The following SMTN variants were observed in gnomAD, a reference collection of about 807,000 sequenced individuals.
The protein encoded by SMTN is smoothelin.
Under a neutral mutation model 102.0 loss-of-function variants are expected in SMTN, and 58 were observed. The ratio of observed to expected loss-of-function variants is 0.57; its 90% CI spans 0.46 to 0.71. The LOEUF is 0.71. Among genes scored for constraint, SMTN ranks in the 30% least tolerant of loss-of-function variants. The pLI is 0.00. For missense variants in SMTN, 1,185 were observed against 1,241.7 expected, an observed-to-expected ratio of 0.95 and a Z score of 0.69; for synonymous variants, 478 against 497.9, an observed-to-expected ratio of 0.96 and a Z score of 0.53.
chr22:31,100,456 TTCC>T (rs2043982599), intron 19 of SMTN, among the ~76,000 whole-genome samples: 2 of 151,924 alleles, frequency 1.3e-5, no homozygotes, highest in East Asian at 1.9e-4. Flanking sequence ...CTCAAATTTC[TTCC>T]TCCTCCTCCT....
intron 8 of SMTN, among the ~76,000 whole-genome samples, 162 bp from the exon 9 acceptor site, chr22:31,090,646 G>C (rs2043056282): frequency 6.6e-6 from 1 of 152,122 alleles, no homozygotes; most frequent in Non-Finnish European, 1.5e-5. Flanking sequence ...GCCGGAGTGT[G>C]GGAGATCCAG....
At chr22:31,070,047 C>T (rs1412391189) in intron 1 of SMTN, among the ~76,000 whole-genome samples, 3 of 152,112 alleles carry the variant, frequency 2.0e-5, no homozygotes, top group African/African-American at 7.2e-5. Flanking sequence ...GAAAGTGAAG[C>T]AGGCCACCTG....
chr22:31,091,512 G>A (rs777667189), intron 10 of SMTN, 30 bp downstream of exon 10: 11 of 1,516,794 alleles, frequency 7.3e-6, no homozygotes, highest in Middle Eastern at 1.8e-4. Flanking sequence ...TCCCCAATGG[G>A]GATGAGTGCC....
chr22:31,072,309 A>G (rs1171085763), intron 1 of SMTN, among the ~76,000 whole-genome samples: 3 of 152,168 alleles, frequency 2.0e-5, no homozygotes, highest in Admixed American at 6.5e-5. Flanking sequence ...GCCAAATGTC[A>G]CACAGTAAAG....
At chr22:31,079,266 A>G (rs2042202645), upstream of SMTN, among the ~76,000 whole-genome samples, 1 of 151,690 alleles carries the variant, frequency 6.6e-6, no homozygotes, top group Non-Finnish European at 1.5e-5. Context: ...GATCACCCCC[A>G]CTCCCTTGCA....
intron 1 of SMTN, among the ~76,000 whole-genome samples, chr22:31,074,027 C>T (rs1302326191): frequency 2.0e-5 from 3 of 152,226 alleles, no homozygotes; most frequent in African/African-American, 7.2e-5. Flanking sequence ...TCTTAAGGCC[C>T]AATCTCTTAA....
In SMTN at chr22:31,091,113, C is replaced by T. The variant is rs138309261; in HGVS notation, c.1090C>T (p.Leu364Phe). The change falls in exon 10 of 21, where the codon CTC becomes TTC. Residue 364 changes from leucine to phenylalanine, a missense_variant. Leu to Phe is a conservative substitution (Grantham distance 22, BLOSUM62 0). This residue lies in a region of SMTN where 1,096 missense variants were observed against 1,112.7 expected (regional missense o/e 0.98). Coordinates refer to ENST00000333137, the MANE Select transcript of SMTN (RefSeq NM_134269.3). ...CCTAAGTCCCCTGACCCCCGCAAGG[C>T]TCCTGGGCCCCTCCCTCACCAGCAC... ...AALSPLTPAR[L>F]LGPSLTSTTP... The T allele has an allele frequency of 5.0e-6, 8 of 1,613,858 alleles. No homozygotes were observed. The Admixed American group carries it at 5.0e-5, about 10-fold the overall frequency.
chr22:31,082,584 T>C (rs1296577696), intron 1 of SMTN: 2 of 540,272 alleles, frequency 3.7e-6, no homozygotes, highest in African/African-American at 1.9e-5. Context: ...AATTGAATTC[T>C]GTATGAATTG....
chr22:31,096,759 C>A lies in SMTN; in HGVS notation c.1888C>A (p.Arg630=). ...CCAGCGGGACAAGGAGCGGGAACGG[C>A]GGCTGCAGGAGGCACGGGGCCGGCC... ...RDQRDKERER[R]LQEARGRPGE... is the part of the protein sequence containing the mutation. Residue 630 remains arginine, a synonymous_variant, in exon 14 of 21, where the codon CGG becomes AGG. Transcript: ENST00000333137. The A allele has an allele frequency of 6.4e-7, 1 of 1,554,652 alleles. No individual in the cohort carries two copies. The highest frequency in any genetic ancestry group is 8.7e-7 in the Non-Finnish European group (1 of 1,154,608).
At chr22:31,085,321 G>A (rs2042612226) in intron 2 of SMTN, 1 of 1,474,718 alleles carries the variant, frequency 6.8e-7, no homozygotes, top group Non-Finnish European at 9.0e-7. Context: ...CGCCCTGCGA[G>A]GGAGGGCGGT....
rs767921903 is a variant in SMTN at position 31,104,469 on chromosome 22, T to G, written c.*174T>G. 5 of 1,612,026 alleles carry G rather than the reference T, an allele frequency of 3.1e-6. No homozygotes were observed. The highest frequency in any genetic ancestry group is 4.2e-6 in the Non-Finnish European group (5 of 1,179,748). On this transcript the variant is annotated 3_prime_UTR_variant, in exon 21 of 21. Coordinates refer to ENST00000333137, the MANE Select transcript of SMTN (RefSeq NM_134269.3). The stretch of plus-strand genomic sequence containing the variant: ...GCCTGCGCGGCAAGAATGTCTAGCC[T>G]GCCCGCCCGCATGGCCAGCCAGTGG...
At chr22:31,094,670 T>G (rs1021277699) in intron 11 of SMTN, among the ~76,000 whole-genome samples, 1 of 151,626 alleles carries the variant, frequency 6.6e-6, no homozygotes, top group Non-Finnish European at 1.5e-5. Context: ...TTCTGTTTTT[T>G]TTTTTTTTTT....
chr22:31,082,890 C>G, intron 1 of SMTN: 6 of 1,546,962 alleles, frequency 3.9e-6, no homozygotes, highest in African/African-American at 2.7e-5. Flanking sequence ...AATCCAGGTC[C>G]CTGCCCTCCC....
chr22:31,084,772 C>A (rs775199797), intron 2 of SMTN, among the ~76,000 whole-genome samples: 6 of 152,252 alleles, frequency 3.9e-5, no homozygotes, highest in Non-Finnish European at 8.8e-5. Context: ...TGGGAAAGGA[C>A]AGATGAGAAC....
chr22:31,092,741 G>T (rs570533727), intron 11 of SMTN, among the ~76,000 whole-genome samples: 41 of 152,322 alleles, frequency 2.7e-4, no homozygotes, highest in African/African-American at 7.7e-4. Context: ...GAGGTGGATG[G>T]GAGGTGCCAC....
Position 31,088,527 on chromosome 22 carries a change from A to T in SMTN, c.215A>T (p.Glu72Val). 1.9e-6 allele frequency: 3 copies of T among 1,613,702 alleles called. No individual in the cohort carries two copies. The highest frequency in any genetic ancestry group is 4.5e-5 in the East Asian group (2 of 44,868). The change falls in exon 4 of 21, where the codon GAA (glutamate) becomes GTA (valine). Residue 72 changes from glutamate to valine, a missense_variant. Coordinates refer to ENST00000333137, the MANE Select transcript of SMTN (RefSeq NM_134269.3). ...TGTCTCTGCAGCTCTCAGCAGCGGG[A>T]AGCTGAGCAGCGGGCTGCCCTGGCA... The part of the protein sequence containing the change: ...KENWLHSQQR[E>V]AEQRAALARL...
intron 13 of SMTN, 137 bp from the exon 14 acceptor site, chr22:31,096,596 G>A: frequency 1.2e-6 from 1 of 856,010 alleles, no homozygotes; most frequent in Admixed American, 3.3e-5. Context: ...CTCCTAGAGA[G>A]GCCCTTGTTA....
intron 15 of SMTN, 55 bp downstream of exon 15, chr22:31,097,115 G>A (rs913599211): frequency 1.8e-5 from 28 of 1,569,876 alleles, no homozygotes; most frequent in African/African-American, 1.1e-4. Context: ...CACCTCCTCC[G>A]GCTCTTCCTT....
upstream of SMTN, chr22:31,080,507 G>A (rs1403613237): frequency 6.6e-6 from 1 of 152,200 alleles, no homozygotes. Context: ...AGACCCAAGG[G>A]CGGCTTTAGG....
Sources: allele counts gnomAD v4.1 joint callset (sites outside exome capture counted in the v4.1 genomes callset), GRCh38; gene constraint gnomAD v4.1.1; regional missense constraint gnomAD v4.1.1; transcripts MANE v1.5; gene names NCBI Gene and HGNC (gene_info 2026-07-23, HGNC 2026-07-21).